Variants in PTPRM observed in about 807,000 individuals in gnomAD.
PTPRM encodes the protein protein tyrosine phosphatase receptor type M, also known as receptor-type tyrosine-protein phosphatase mu.
In PTPRM, 47 loss-of-function variants were observed where a neutral mutation model predicts 186.7. The ratio of observed to expected loss-of-function variants is 0.25; its 90% CI spans 0.20 to 0.32. PTPRM has a LOEUF of 0.32. Ranked by LOEUF, PTPRM falls within the 10% of genes least tolerant of loss-of-function variation. PTPRM has a pLI of 1.00. For missense variants in PTPRM, 1,494 were observed against 1,865.0 expected (o/e 0.80, Z 3.66); for synonymous variants, 668 against 674.9 (o/e 0.99, Z 0.16).
At chr18:8,214,639 G>A (rs568291766) in intron 14 of PTPRM, among the ~76,000 whole-genome samples, 5 of 152,078 alleles carry the variant, frequency 3.3e-5, no homozygotes, top group South Asian at 2.1e-4. Context: ...TTTCTAATAC[G>A]AAATTCAGAA....
At chr18:8,287,991 G>C (rs1379958007) in intron 19 of PTPRM, among the ~76,000 whole-genome samples, 1 of 152,174 alleles carries the variant, frequency 6.6e-6, no homozygotes, top group Non-Finnish European at 1.5e-5. Flanking sequence ...AACAGGGGCA[G>C]ATCCAAGTTC....
intron 1 of PTPRM, among the ~76,000 whole-genome samples, chr18:7,722,746 G>T (rs1361254385): frequency 6.6e-6 from 1 of 152,088 alleles, no homozygotes; most frequent in Non-Finnish European, 1.5e-5. Context: ...TATATAAAGG[G>T]ATAATCTACC....
At chr18:8,121,017 T>C (rs185140542) in intron 13 of PTPRM, among the ~76,000 whole-genome samples, 44 of 152,330 alleles carry the variant, frequency 2.9e-4, no homozygotes, top group African/African-American at 8.2e-4. Context: ...GTATTCAAAA[T>C]TGCATAATAC....
intron 7 of PTPRM, among the ~76,000 whole-genome samples, chr18:8,016,605 AAC>A (rs2084885800): frequency 1.3e-5 from 2 of 152,160 alleles, no homozygotes; most frequent in Non-Finnish European, 2.9e-5. Flanking sequence ...GCTTTGTATA[AAC>A]ACATTCTTTC....
intron 15 of PTPRM, 36 bp downstream of exon 15, chr18:8,244,245 C>T (rs762141998): frequency 1.4e-5 from 20 of 1,480,758 alleles, no homozygotes; most frequent in Non-Finnish European, 1.6e-5. Flanking sequence ...TAACACATCT[C>T]CTTGGTTTTG....
At position 7,955,564 on chromosome 18, in the gene PTPRM, G is replaced by A. The variant is rs950524410; in HGVS notation, c.1132+150G>A. The A allele has an allele frequency of 1.0e-5, 9 of 894,346 alleles. No homozygotes were observed. In the East Asian group the frequency reaches 2.4e-4, roughly 24 times the overall value. The allele number at this position is 894,346 out of a possible 1,614,324, so 55.4% of individuals were successfully genotyped here. On this transcript the variant is annotated intron_variant, in intron 7 of 32. Coordinates refer to ENST00000580170, the MANE Select transcript of PTPRM (RefSeq NM_001105244.2). ...AATGCCCTTAGCCTGTGAATAGTCA[G>A]CTAACAGCTTGTGAACTTGGGGACC...
At chr18:8,154,884 C>G (rs569351822) in intron 14 of PTPRM, 56 of 152,278 alleles carry the variant, frequency 3.7e-4, no homozygotes, top group Non-Finnish European at 7.1e-4. Flanking sequence ...CTGAAACCTT[C>G]TTTTCTTTGA....
intron 13 of PTPRM, among the ~76,000 whole-genome samples, chr18:8,141,288 A>C (rs2092760899): frequency 6.6e-6 from 1 of 152,214 alleles, no homozygotes; most frequent in African/African-American, 2.4e-5. Flanking sequence ...ACTCCCAGGC[A>C]GCCCTCCCAC....
chr18:7,636,647 G>A (rs1195855076), intron 1 of PTPRM, among the ~76,000 whole-genome samples: 1 of 152,140 alleles, frequency 6.6e-6, no homozygotes, highest in East Asian at 1.9e-4. Context: ...CAGAGGAGGC[G>A]CGTGCTACAC....
chr18:7,706,628 AAAC>A (rs1568042208), intron 1 of PTPRM, among the ~76,000 whole-genome samples: 3 of 149,632 alleles, frequency 2.0e-5, no homozygotes, highest in African/African-American at 7.4e-5. Flanking sequence ...AAAAAAAAAA[AAAC>A]AACAAAATGT....
chr18:7,875,150 C>T (rs757712399), intron 2 of PTPRM, among the ~76,000 whole-genome samples: 10 of 151,686 alleles, frequency 6.6e-5, no homozygotes, highest in Non-Finnish European at 1.2e-4. Context: ...GAACTGAGAT[C>T]GTGCCACTGC....
intron 11 of PTPRM, among the ~76,000 whole-genome samples, chr18:8,101,851 T>C (rs2091304481): frequency 6.6e-6 from 1 of 152,174 alleles, no homozygotes; most frequent in Admixed American, 6.5e-5. Flanking sequence ...TCCTGACCCT[T>C]CAGAACCAAG....
intron 31 of PTPRM, among the ~76,000 whole-genome samples, chr18:8,387,945 GA>G (rs11351770): frequency 0.67 from 96,118 of 143,500 alleles, 32,539 homozygotes; most frequent in East Asian, 0.8. Context: ...AGCTTTACAT[GA>G]AAAAAAAAAA....
intron 7 of PTPRM, among the ~76,000 whole-genome samples, chr18:8,047,162 A>T (rs757478830): frequency 6.6e-6 from 1 of 152,228 alleles, no homozygotes; most frequent in Non-Finnish European, 1.5e-5. Flanking sequence ...TCAACACGGT[A>T]AGAATCATGA....
chr18:8,366,652 G>A (rs1383551211), intron 23 of PTPRM, among the ~76,000 whole-genome samples: 1 of 152,212 alleles, frequency 6.6e-6, no homozygotes, highest in Non-Finnish European at 1.5e-5. Context: ...TTTCGTGTTT[G>A]TGAGTTTTAA....
chr18:8,363,504 T>C (rs1460559258), intron 23 of PTPRM, among the ~76,000 whole-genome samples: 2 of 152,208 alleles, frequency 1.3e-5, no homozygotes. Flanking sequence ...TGGCGGCATA[T>C]ATATGTATTC....
rs1330964895 is a variant in PTPRM at position 7,966,820 on chromosome 18, C to T, written c.1132+11406C>T. ...GGAGGGTCCTACGCCCACGGAGTCT[C>T]GCTGATTGCCAGCACAGCAGTCTGA... On this transcript the variant is annotated intron_variant, in intron 7 of 32. Transcript: ENST00000580170. Among the ~76,000 whole-genome samples the T allele has an allele frequency of 6.1e-5, 8 of 131,030 alleles. 1 individual carries two copies. The highest frequency in any genetic ancestry group is 1.4e-4 in the Non-Finnish European group (8 of 55,508). 86.0% of individuals were successfully genotyped at this position (131,030 alleles called of 152,430 possible).
intron 22 of PTPRM, among the ~76,000 whole-genome samples, chr18:8,322,030 TGGGCAATGAA>T (rs2095348979): frequency 6.6e-6 from 1 of 152,160 alleles, no homozygotes; most frequent in African/African-American, 2.4e-5. Context: ...GCCAACAAAA[TGGGCAATGAA>T]GACCAACAGG....
At chr18:8,076,286 G>A (rs936673949) in intron 8 of PTPRM, among the ~76,000 whole-genome samples, 169 bp from the exon 9 acceptor site, 1 of 152,050 alleles carries the variant, frequency 6.6e-6, no homozygotes, top group Non-Finnish European at 1.5e-5. Context: ...TTTTAATCAA[G>A]ACAGTGTAGC....
Sources: allele counts gnomAD v4.1 joint callset (sites outside exome capture counted in the v4.1 genomes callset), GRCh38; gene constraint gnomAD v4.1.1; transcripts MANE v1.5; gene names NCBI Gene and HGNC (gene_info 2026-07-23, HGNC 2026-07-21).